Variants in BTBD9 observed in about 807,000 individuals in gnomAD.
BTBD9 encodes BTB/POZ domain-containing protein 9.
In BTBD9, 49 loss-of-function variants were observed where a neutral mutation model predicts 64.3. That is an observed-to-expected ratio of 0.76 (90% CI 0.61 to 0.97). The LOEUF is 0.97. BTBD9 is among the 50% of genes least tolerant of loss of function. The pLI is 0.00. For missense variants in BTBD9, 598 were observed against 762.1 expected (o/e 0.78, Z 2.53); for synonymous variants, 260 against 274.7 (o/e 0.95, Z 0.53).
chr6:38,430,214 TTTTTA>T (rs1056729523), intron 6 of BTBD9, among the ~76,000 whole-genome samples: 5 of 151,932 alleles, frequency 3.3e-5, no homozygotes, highest in East Asian at 1.9e-4. Context: ...GCTTTAAACT[TTTTTA>T]TTTTATTTTA....
chr6:38,175,165 G>GTGGACAC lies in BTBD9; in HGVS notation c.1652_1658dup (p.His553GlnfsTer5). The GTGGACAC allele has an allele frequency of 6.2e-7, 1 of 1,614,202 alleles. No homozygotes were observed. The highest frequency in any genetic ancestry group is 1.1e-5 in the South Asian group (1 of 91,086). On this transcript the variant is annotated frameshift_variant, in exon 11 of 11. Transcript: ENST00000481247. LOFTEE classifies it high-confidence loss of function. ...TGCTCTGCTGCTCTGGACACTCAAA[G>GTGGACAC]TGGACACAGTGGAACACCTGGGAGA...
chr6:38,563,204 T>C (rs1297641913), intron 6 of BTBD9, among the ~76,000 whole-genome samples: 1 of 152,218 alleles, frequency 6.6e-6, no homozygotes, highest in Non-Finnish European at 1.5e-5. Flanking sequence ...TTCTATTTCC[T>C]TTGGATCTAA....
At chr6:38,565,238 G>A (rs1032461896) in intron 6 of BTBD9, among the ~76,000 whole-genome samples, 19 of 151,978 alleles carry the variant, frequency 1.3e-4, no homozygotes, top group African/African-American at 4.6e-4. Flanking sequence ...TTCCTAAACA[G>A]AGTTTCTCAA....
intron 6 of BTBD9, among the ~76,000 whole-genome samples, chr6:38,518,241 T>C (rs1773126978): frequency 6.6e-6 from 1 of 152,172 alleles, no homozygotes; most frequent in African/African-American, 2.4e-5. Flanking sequence ...TAACAGATGT[T>C]GTTGCCTATA....
At chr6:38,441,989 C>G (rs1582437470) in intron 6 of BTBD9, among the ~76,000 whole-genome samples, 1 of 152,112 alleles carries the variant, frequency 6.6e-6, no homozygotes, top group South Asian at 2.1e-4. Flanking sequence ...GCCTTCCTCC[C>G]AAAATTCCCG....
intron 6 of BTBD9, among the ~76,000 whole-genome samples, chr6:38,467,607 ACCACCATT>A (rs1401813556): frequency 2.0e-5 from 3 of 152,202 alleles, no homozygotes; most frequent in Non-Finnish European, 2.9e-5. Context: ...TACGCCATGC[ACCACCATT>A]CCACATTTTC....
intron 6 of BTBD9, among the ~76,000 whole-genome samples, chr6:38,454,798 C>G (rs1033733661): frequency 6.8e-6 from 1 of 146,534 alleles, no homozygotes; most frequent in Non-Finnish European, 1.5e-5. Context: ...AAGACTCTGT[C>G]TCTTAAAAAA....
intron 1 of BTBD9, among the ~76,000 whole-genome samples, chr6:38,633,295 T>G (rs570164871): frequency 6.6e-6 from 1 of 152,240 alleles, no homozygotes; most frequent in Non-Finnish European, 1.5e-5. Context: ...GGGTCTGTAC[T>G]GGAGCCCAGT....
At chr6:38,247,226 A>C (rs923627079) in intron 9 of BTBD9, among the ~76,000 whole-genome samples, 2 of 151,986 alleles carry the variant, frequency 1.3e-5, no homozygotes, top group East Asian at 3.8e-4. Context: ...ATCTTGCTAT[A>C]CTTTGGAAGA....
At chr6:38,337,929 C>A (rs1342690387) in intron 7 of BTBD9, among the ~76,000 whole-genome samples, 1 of 152,162 alleles carries the variant, frequency 6.6e-6, no homozygotes, top group Admixed American at 6.5e-5. Context: ...ATGTTCTTGT[C>A]TATTTGTTTC....
In BTBD9 at chr6:38,372,668, T is replaced by C. The variant is rs1348196053; in HGVS notation, c.1155-27575A>G. On this transcript the variant is annotated intron_variant, in intron 6 of 10. Transcript: ENST00000481247. ...AGACCGTGGCCTACCCATCTGGTGC[T>C]AGAAGGTCCTAGAATGGCTGTTCAG... 3.3e-5 allele frequency among the ~76,000 whole-genome samples: 5 copies of C among 152,320 alleles called. No homozygotes were observed. The South Asian group carries it at 8.3e-4, about 25-fold the overall frequency.
At chr6:38,380,144 T>TA (rs1285945775) in intron 6 of BTBD9, among the ~76,000 whole-genome samples, 3 of 152,062 alleles carry the variant, frequency 2.0e-5, no homozygotes, top group Admixed American at 6.5e-5. Context: ...TTAATAAAAA[T>TA]AAAAAAATTG....
At position 38,385,971 on chromosome 6, in the gene BTBD9, A is replaced by G. The variant is rs150298634; in HGVS notation, c.1155-40878T>C. Among the ~76,000 whole-genome samples, 92 of 151,850 alleles carry G rather than the reference A, an allele frequency of 6.1e-4. No homozygotes were observed. The East Asian group carries it at 0.013, about 22-fold the overall frequency. On this transcript the variant is annotated intron_variant, in intron 6 of 10. Coordinates refer to ENST00000481247, the MANE Select transcript of BTBD9 (RefSeq NM_001099272.2). ...CACCATGCCTAATTTTTGTATTTTT[A>G]GTACAGATGGGGTTTCGCTATGTTG...
intron 6 of BTBD9, among the ~76,000 whole-genome samples, chr6:38,454,318 G>C (rs1207157426): frequency 2.0e-5 from 3 of 151,972 alleles, no homozygotes; most frequent in Non-Finnish European, 4.4e-5. Flanking sequence ...TGAGGTTAGA[G>C]AGTTTAAAGT....
At chr6:38,431,007 T>C (rs967105619) in intron 6 of BTBD9, among the ~76,000 whole-genome samples, 1 of 151,994 alleles carries the variant, frequency 6.6e-6, no homozygotes, top group African/African-American at 2.4e-5. Flanking sequence ...CTTCTGTCCT[T>C]TGACAGCTCC....
rs566492525 is a variant in BTBD9, at chr6:38,216,575, C to T, written c.1563-23978G>A. Among the ~76,000 whole-genome samples the T allele has an allele frequency of 3.9e-5, 6 of 152,338 alleles. No individual in the cohort carries two copies. In the South Asian group the frequency reaches 1.2e-3, roughly 32 times the overall value. ...GCAGGTTTATGTCCCATCTCCTAAA[C>T]TCTATTATTTCCCTGTGGACCACAG... On this transcript the variant is annotated intron_variant, in intron 9 of 10. Coordinates refer to ENST00000481247, the MANE Select transcript of BTBD9 (RefSeq NM_001099272.2).
At chr6:38,227,552 G>A (rs565638742) in intron 9 of BTBD9, among the ~76,000 whole-genome samples, 111 of 152,322 alleles carry the variant, frequency 7.3e-4, no homozygotes, top group Non-Finnish European at 1.4e-3. Flanking sequence ...GAAAGTGGCT[G>A]GGACGGCAGG....
chr6:38,632,769 G>GA lies in BTBD9; in HGVS notation c.-28+7030dup, dbSNP rs750153598. The stretch of plus-strand genomic sequence containing the variant: ...CAAACAGTGAGACCCTGTCTACATA[G>GA]AAACAAAAATAAATTAGCCAGGCAT... On this transcript the variant is annotated intron_variant, in intron 1 of 10. Coordinates refer to ENST00000481247, the MANE Select transcript of BTBD9 (RefSeq NM_001099272.2). Among the ~76,000 whole-genome samples the GA allele has an allele frequency of 3.4e-3, 522 of 151,514 alleles. 2 individuals are homozygous for GA. Among genetic ancestry groups the GA allele is most frequent in the Non-Finnish European group, 6.2e-3 (419 of 67,746 alleles).
At chr6:38,420,601 T>C (rs904524114) in intron 6 of BTBD9, among the ~76,000 whole-genome samples, 4 of 152,134 alleles carry the variant, frequency 2.6e-5, no homozygotes, top group African/African-American at 9.7e-5. Context: ...CTCACACCTG[T>C]AATCCCAGCA....
Sources: gnomAD v4.1 joint callset for allele counts (sites outside exome capture counted in the v4.1 genomes callset) on GRCh38, gnomAD v4.1.1 for gene constraint, MANE v1.5 for transcripts, NCBI Gene and HGNC (gene_info 2026-07-23, HGNC 2026-07-21) for gene names.